SEC24D: variants seen among roughly 807,000 people sequenced by gnomAD.
SEC24D encodes the protein protein transport protein Sec24D.
In SEC24D, 69 loss-of-function variants were observed where a neutral mutation model predicts 116.9. That is an observed-to-expected ratio of 0.59 (90% CI 0.49 to 0.72). SEC24D has a LOEUF of 0.72. Among genes scored for constraint, SEC24D ranks in the 30% least tolerant of loss-of-function variants. The probability of loss-of-function intolerance (pLI) is 0.00; values close to 1 mark genes in which losing one functional copy is unlikely to be tolerated. For missense variants in SEC24D, 1,131 were observed against 1,264.1 expected (o/e 0.89, Z 1.60); for synonymous variants, 405 against 442.8 (o/e 0.91, Z 1.07).
At chr4:118,771,689 A>G (rs977559195) in intron 8 of SEC24D, among the ~76,000 whole-genome samples, 1 of 152,200 alleles carries the variant, frequency 6.6e-6, no homozygotes, top group African/African-American at 2.4e-5. Flanking sequence ...ACTTTTGATT[A>G]TTTTTCCATG....
intron 7 of SEC24D, among the ~76,000 whole-genome samples, chr4:118,804,527 T>C (rs377281467): frequency 2.6e-5 from 4 of 151,904 alleles, no homozygotes; most frequent in South Asian, 2.1e-4. Flanking sequence ...AAAACACTTA[T>C]ATAATACTTA....
At chr4:118,771,645 A>G (rs900592488) in intron 8 of SEC24D, among the ~76,000 whole-genome samples, 13 of 152,250 alleles carry the variant, frequency 8.5e-5, no homozygotes, top group African/African-American at 3.1e-4. Context: ...TAGTACTAAA[A>G]TGATATCCAA....
intron 8 of SEC24D, among the ~76,000 whole-genome samples, chr4:118,773,947 A>G (rs12505513): frequency 0.27 from 40,628 of 152,066 alleles, 6,507 homozygotes; most frequent in East Asian, 0.45. Flanking sequence ...AAATGAAAGA[A>G]TATTTTCTGA....
chr4:118,833,541 C>T (rs762014250), intron 2 of SEC24D, 38 bp downstream of exon 2: 1 of 1,377,118 alleles, frequency 7.3e-7, no homozygotes, highest in Middle Eastern at 1.8e-4. Flanking sequence ...AGCCTGAGAA[C>T]TGAATAATCA....
At chr4:118,760,309 A>C (rs544926451) in intron 10 of SEC24D, 1 of 152,238 alleles carries the variant, frequency 6.6e-6, no homozygotes, top group Non-Finnish European at 1.5e-5. Context: ...TGTACCCATT[A>C]AACAACCTCT....
intron 10 of SEC24D, among the ~76,000 whole-genome samples, 184 bp from the exon 11 acceptor site, chr4:118,758,029 A>G (rs754743102): frequency 6.6e-6 from 1 of 152,192 alleles, no homozygotes; most frequent in Non-Finnish European, 1.5e-5. Flanking sequence ...TATTAAAAAG[A>G]TAAAAGAAGT....
chr4:118,738,290 T>C lies in SEC24D; in HGVS notation c.2467A>G (p.Asn823Asp). ...CTTGCTGCAGAAGGACTTGCACAAT[T>C]CTTCCGGTAACATGCCAACATATGG... ...TAHMLACYRK[N>D]CASPSAASQL... is the part of the protein sequence containing the mutation. The change falls in exon 19 of 23, where the codon AAT (asparagine) becomes GAT (aspartate). Residue 823 changes from asparagine (N) to aspartate (D), a missense_variant. Asn to Asp is a conservative substitution (Grantham distance 23, BLOSUM62 1). Coordinates refer to ENST00000280551, the MANE Select transcript of SEC24D (RefSeq NM_014822.4). 1 of 1,613,508 alleles carries C rather than the reference T, an allele frequency of 6.2e-7. No homozygotes were observed. Among genetic ancestry groups the C allele is most frequent in the Non-Finnish European group, 8.5e-7 (1 of 1,179,480 alleles).
At chr4:118,734,553 C>T (rs2110433982) in intron 19 of SEC24D, among the ~76,000 whole-genome samples, 1 of 152,236 alleles carries the variant, frequency 6.6e-6, no homozygotes, top group South Asian at 2.1e-4. Flanking sequence ...ATAGAGTTAT[C>T]AGAATCCACA....
At chr4:118,809,120 T>C (rs142737327) in intron 6 of SEC24D, among the ~76,000 whole-genome samples, 6,651 of 152,134 alleles carry the variant, frequency 0.044, 203 homozygotes, top group Non-Finnish European at 0.064. Context: ...ACTACAGGCA[T>C]GCACTACCAC....
Position 118,745,062 on chromosome 4 carries a change from T to TAAAAAAAAA in SEC24D, c.1708-11_1708-3dup. On this transcript the variant is annotated splice_region_variant and splice_polypyrimidine_tract_variant and intron_variant, in intron 13 of 22. Transcript: ENST00000280551. ...CAGCTTCCCAGGACAGTCTGCTGCCTAAAAAAAAAAAAAAACCCAAAAACC... is the reference window on the plus strand; with the variant it reads ...CAGCTTCCCAGGACAGTCTGCTGCCTAAAAAAAAAAAAAAAAAAAAAAAACCCAAAAACC... 8.1e-7 allele frequency: 1 copy of TAAAAAAAAA among 1,233,800 alleles called. No homozygotes were observed. The allele number at this position is 1,233,800 out of a possible 1,614,324, so 76.4% of individuals were successfully genotyped here.
At chr4:118,798,465 G>A (rs1441493086) in intron 7 of SEC24D, among the ~76,000 whole-genome samples, 1 of 152,098 alleles carries the variant, frequency 6.6e-6, no homozygotes, top group African/African-American at 2.4e-5. Flanking sequence ...ATGACATAAA[G>A]AATATTTGTA....
intron 8 of SEC24D, among the ~76,000 whole-genome samples, chr4:118,796,828 C>A (rs1411021431): frequency 6.6e-6 from 1 of 152,180 alleles, no homozygotes; most frequent in East Asian, 1.9e-4. Flanking sequence ...ATCATTAGAT[C>A]CAACACTGAG....
chr4:118,806,362 G>A (rs1236382572), intron 6 of SEC24D, among the ~76,000 whole-genome samples: 2 of 151,380 alleles, frequency 1.3e-5, no homozygotes, highest in African/African-American at 4.9e-5. Flanking sequence ...TGAGATGGGG[G>A]TCTCACTCTG....
At chr4:118,826,291 A>G (rs1000814972) in intron 2 of SEC24D, among the ~76,000 whole-genome samples, 1 of 152,098 alleles carries the variant, frequency 6.6e-6, no homozygotes, top group Non-Finnish European at 1.5e-5. Flanking sequence ...AAGATACTCT[A>G]TTTTTCAGAG....
Position 118,752,030 on chromosome 4 carries a change from G to A in SEC24D, c.1673C>T (p.Ala558Val), listed in dbSNP as rs982681794. ...TTCCATGCCAGCCTGGATGACAGGA[G>A]CAAAGACAGTCTCATTTTCATTAGA... is the stretch of plus-strand genomic sequence containing the variant. Reference protein sequence around the residue: ...ADSNENETVFAPVIQAGMEAL... With the variant: ...ADSNENETVFVPVIQAGMEAL... Residue 558 changes from alanine to valine, a missense_variant, in exon 13 of 23, where the codon GCT becomes GTT. Coordinates refer to ENST00000280551, the MANE Select transcript of SEC24D (RefSeq NM_014822.4). The A allele has an allele frequency of 5.0e-6, 8 of 1,613,230 alleles. No individual in the cohort carries two copies. The highest frequency in any genetic ancestry group is 5.9e-6 in the Non-Finnish European group (7 of 1,179,432).
intron 8 of SEC24D, among the ~76,000 whole-genome samples, chr4:118,786,360 A>G (rs1728664652): frequency 6.6e-6 from 1 of 151,964 alleles, no homozygotes; most frequent in Non-Finnish European, 1.5e-5. Flanking sequence ...TTGGCCTTTT[A>G]TTCAATGGGA....
rs1214853285 is a variant in SEC24D at position 118,780,906 on chromosome 4, GCTTTTTT to G, written c.1042-12602_1042-12596del. ...ATCAGAGACTAGGATTGCAACCCCTGCTTTTTTTTTTTTTTTTTTTTTTTTTGCTTTC... is the reference window on the plus strand; with the variant it reads ...ATCAGAGACTAGGATTGCAACCCCTGTTTTTTTTTTTTTTTTTTTGCTTTC... On this transcript the variant is annotated intron_variant, in intron 8 of 22. Transcript: ENST00000280551. 1.7e-3 allele frequency among the ~76,000 whole-genome samples: 185 copies of G among 106,112 alleles called. 1 individual carries two copies. Among genetic ancestry groups the G allele is most frequent in the African/African-American group, 5.8e-3 (171 of 29,374 alleles). The allele number at this position is 106,112 out of a possible 152,430, so 69.6% of individuals were successfully genotyped here.
At chr4:118,806,574 C>G (rs1729687588) in intron 6 of SEC24D, among the ~76,000 whole-genome samples, 1 of 151,990 alleles carries the variant, frequency 6.6e-6, no homozygotes, top group African/African-American at 2.4e-5. Context: ...TGCAAGCAAT[C>G]CTCCTGCCTT....
At chr4:118,815,293 G>C (rs1410423808) in intron 5 of SEC24D, 138 bp from the exon 6 acceptor site, 1 of 1,349,318 alleles carries the variant, frequency 7.4e-7, no homozygotes, top group Non-Finnish European at 1.0e-6. Context: ...AAGTATGAGT[G>C]TGGTTCCCCA....
Sources: allele counts gnomAD v4.1 joint callset (sites outside exome capture counted in the v4.1 genomes callset), GRCh38; gene constraint gnomAD v4.1.1; transcripts MANE v1.5; gene names NCBI Gene and HGNC (gene_info 2026-07-23, HGNC 2026-07-21).